Variants in CCNL2 observed in about 807,000 individuals in gnomAD.
The protein encoded by CCNL2 is cyclin-L2.
CCNL2 carries 28 observed loss-of-function variants against 59.1 expected under a neutral mutation model. That is an observed-to-expected ratio of 0.47 (90% CI 0.35 to 0.65). CCNL2 has a LOEUF of 0.65. Among genes scored for constraint, CCNL2 ranks in the 30% least tolerant of loss-of-function variants. The pLI is 0.00. For synonymous variants in CCNL2, 342 were observed against 288.6 expected, an observed-to-expected ratio of 1.19 and a Z score of -1.88; for missense variants, 714 against 717.4, an observed-to-expected ratio of 1.00 and a Z score of 0.05.
chr1:1,392,005 G>C (rs1469542277), intron 5 of CCNL2: 1 of 164,122 alleles, frequency 6.1e-6, no homozygotes, highest in Non-Finnish European at 1.3e-5. Context: ...ATAAACCTTG[G>C]AGAAGGTAAC....
Position 1,395,375 on chromosome 1 carries a change from G to A in CCNL2, c.594+19C>T, listed in dbSNP as rs772888745. Reference sequence around the variant, plus strand: ...GCAGCGGCCTAGGCGGGCTCGCAGGGCAGGAGCCGCACACCCACCTTATGA... The same window carrying A: ...GCAGCGGCCTAGGCGGGCTCGCAGGACAGGAGCCGCACACCCACCTTATGA... On this transcript the variant is annotated intron_variant, in intron 4 of 10. Coordinates refer to ENST00000400809, the MANE Select transcript of CCNL2 (RefSeq NM_030937.6). 2.0e-5 allele frequency: 32 copies of A among 1,613,472 alleles called. No individual in the cohort carries two copies. The highest frequency in any genetic ancestry group is 2.5e-5 in the Non-Finnish European group (29 of 1,179,788).
rs923753209 is a variant in CCNL2 at position 1,392,557 on chromosome 1, C to T, written c.659+839G>A. ...ACAGCAGTTTTAAAGGGACAAAATTCAAGTCAAGACAGTTACCAACTCTAA... is the reference window on the plus strand; with the variant it reads ...ACAGCAGTTTTAAAGGGACAAAATTTAAGTCAAGACAGTTACCAACTCTAA... On this transcript the variant is annotated intron_variant, in intron 5 of 10. Transcript: ENST00000400809. 13 of 1,382,628 alleles carry T rather than the reference C, an allele frequency of 9.4e-6. No individual in the cohort carries two copies. In the South Asian group the frequency reaches 1.4e-4, roughly 15 times the overall value. The allele number at this position is 1,382,628 out of a possible 1,614,324, so 85.6% of individuals were successfully genotyped here.
At chr1:1,394,140 A>AAG (rs1462774089) in intron 4 of CCNL2, among the ~76,000 whole-genome samples, 7 of 152,038 alleles carry the variant, frequency 4.6e-5, no homozygotes, top group East Asian at 3.9e-4. Flanking sequence ...AAAAAAAAAA[A>AAG]GCACTTCAAT....
At chr1:1,392,617 C>T in intron 5 of CCNL2, 1 of 1,452,620 alleles carries the variant, frequency 6.9e-7, no homozygotes, top group East Asian at 2.5e-5. Context: ...AGAGGATTAA[C>T]AAGAAGCACA....
In CCNL2 at chr1:1,398,691, C is replaced by T. The variant is rs1367965442; in HGVS notation, c.289-20G>A. The T allele has an allele frequency of 1.2e-6, 2 of 1,610,134 alleles. No individual in the cohort carries two copies. Among genetic ancestry groups the T allele is most frequent in the Admixed American group, 1.7e-5 (1 of 60,000 alleles). On this transcript the variant is annotated intron_variant, in intron 1 of 10. Transcript: ENST00000400809. ...GGCCACCTAGAGTAGAAGAAAGTTT[C>T]CGTATTTTCAAACGCACCATTCAAA... is the stretch of plus-strand genomic sequence containing the variant.
chr1:1,389,018 TG>T (rs1644618240), intron 8 of CCNL2: 1 of 213,380 alleles, frequency 4.7e-6, no homozygotes, highest in African/African-American at 2.4e-5. Flanking sequence ...GAGGTTACAG[TG>T]AGCTGAGACA....
chr1:1,392,604 G>A, intron 5 of CCNL2: 3 of 1,440,838 alleles, frequency 2.1e-6, no homozygotes, highest in East Asian at 2.5e-5. Flanking sequence ...ACCAAAGCAC[G>A]ACAGAGGATT....
At chr1:1,396,047 C>T (rs1294367029) in intron 3 of CCNL2, among the ~76,000 whole-genome samples, 2 of 151,668 alleles carry the variant, frequency 1.3e-5, no homozygotes, top group Admixed American at 1.3e-4. Flanking sequence ...GGCGTGGTGG[C>T]GGGTGCTTGT....
At chr1:1,398,953 C>T (rs922187860) in intron 1 of CCNL2, 66 bp downstream of exon 1, 5 of 1,492,550 alleles carry the variant, frequency 3.3e-6, no homozygotes, top group Non-Finnish European at 4.4e-6. Context: ...GCCCGACTCG[C>T]CGCCAACAAA....
In CCNL2 at chr1:1,390,858, T is replaced by C. The variant is rs1197800324; in HGVS notation, c.667A>G (p.Met223Val). The part of the protein sequence containing the change: ...QHLVQTSWNY[M>V]NDSLRTDVFV... ...ACGTCGGTGCGAAGGCTGTCGTTCATGTAATTCCTGGAAGCCAAACACAGG... is the reference window on the plus strand; with the variant it reads ...ACGTCGGTGCGAAGGCTGTCGTTCACGTAATTCCTGGAAGCCAAACACAGG... The change falls in exon 6 of 11, where the codon ATG (methionine) becomes GTG (valine). Residue 223 changes from methionine to valine, a missense_variant. Around this residue, in one of 5 missense-constraint regions of CCNL2, gnomAD observed 19 missense variants for 40.8 expected, o/e 0.47. Transcript: ENST00000400809. The C allele has an allele frequency of 1.2e-6, 2 of 1,613,960 alleles. No homozygotes were observed. The highest frequency in any genetic ancestry group is 8.5e-7 in the Non-Finnish European group (1 of 1,179,876).
chr1:1,391,975 C>A, intron 5 of CCNL2: 1 of 180,678 alleles, frequency 5.5e-6, no homozygotes, highest in Non-Finnish European at 1.2e-5. Flanking sequence ...CATGACCTTC[C>A]AGCAATATCT....
Position 1,399,093 on chromosome 1 carries a change from C to T in CCNL2, c.214G>A (p.Asp72Asn). The change falls in exon 1 of 11, where the codon GAC becomes AAC. Residue 72 changes from aspartate (D) to asparagine (N), a missense_variant. This residue lies in a region of CCNL2 where 270 missense variants were observed against 254.9 expected (regional missense o/e 1.06). Transcript: ENST00000400809. ...ACCACGCGGAGGTCGGTCTCTGTGT[C>T]GGTGTCGAGGCCGCTCGACATGGAC... ...TPSMSSGLDT[D>N]TETDLRVVGC... 1 of 1,611,712 alleles carries T rather than the reference C, an allele frequency of 6.2e-7. No homozygotes were observed. The highest frequency in any genetic ancestry group is 8.5e-7 in the Non-Finnish European group (1 of 1,179,400).
intron 8 of CCNL2, chr1:1,388,750 A>C (rs1269368854): frequency 5.5e-6 from 2 of 362,988 alleles, no homozygotes; most frequent in East Asian, 8.3e-5. Context: ...CAGGCTGGGC[A>C]ACAGAGTAAG....
chr1:1,387,453 C>T lies in CCNL2; in HGVS notation c.1341G>A (p.Arg447=), dbSNP rs139107239. 1.1e-5 allele frequency: 18 copies of T among 1,612,958 alleles called. No individual in the cohort carries two copies. Among genetic ancestry groups the T allele is most frequent in the Non-Finnish European group, 1.3e-5 (15 of 1,179,796 alleles). Residue 447 remains arginine (R), a synonymous_variant, in exon 11 of 11, where the codon CGG becomes CGA. Transcript: ENST00000400809. ...GGGGGTACTTGCAGTCCTTGGACTT[C>T]CGGGAGCCCCGAATCTCAGAGCCTT... ...PYKGSEIRGS[R]KSKDCKYPQK... is the part of the protein sequence containing the mutation.
intron 5 of CCNL2, chr1:1,391,419 A>G (rs1407271071): frequency 8.3e-7 from 1 of 1,198,040 alleles, no homozygotes; most frequent in Admixed American, 4.3e-5. Context: ...ACCGAGCTGC[A>G]GCTTCCTTGA....
intron 4 of CCNL2, among the ~76,000 whole-genome samples, chr1:1,394,886 G>A (rs558150185): frequency 4.3e-4 from 65 of 151,622 alleles, no homozygotes; most frequent in South Asian, 2.3e-3. Context: ...GTGAAACCCC[G>A]TCTCTACTAA....
rs1483594037 is a variant in CCNL2, at chr1:1,399,309, T to C, written c.-3A>G. 4.2e-6 allele frequency: 6 copies of C among 1,444,564 alleles called. No homozygotes were observed. Among genetic ancestry groups the C allele is most frequent in the African/African-American group, 1.5e-5 (1 of 66,580 alleles). 89.5% of individuals were successfully genotyped at this position (1,444,564 alleles called of 1,614,324 possible). A position where few individuals can be genotyped will look rare whatever the true frequency, so the allele number is the denominator to read the frequency against. ...GCCGCCGCCGCCGCCGCCGCCATTT[T>C]GTGCCGCCGACTCCCCTTCGGCTTC... On this transcript the variant is annotated 5_prime_UTR_variant, in exon 1 of 11. Coordinates refer to ENST00000400809, the MANE Select transcript of CCNL2 (RefSeq NM_030937.6).
At chr1:1,395,345 C>CG (rs1557728716) in intron 4 of CCNL2, 49 bp downstream of exon 4, 2 of 1,604,316 alleles carry the variant, frequency 1.2e-6, no homozygotes, top group South Asian at 2.2e-5. Context: ...GGCGGCCAGG[C>CG]AGGAGCAGCG....
In CCNL2 at chr1:1,390,278, T is replaced by C. The variant is rs1176955233; in HGVS notation, c.958A>G (p.Thr320Ala). 6.2e-7 allele frequency: 1 copy of C among 1,613,886 alleles called. No individual in the cohort carries two copies. The change falls in exon 8 of 11, where the codon ACA becomes GCA. Residue 320 changes from threonine to alanine, a missense_variant. Coordinates refer to ENST00000400809, the MANE Select transcript of CCNL2 (RefSeq NM_030937.6). ...AQARGLLPGG[T>A]QVLDGTSGFS... ...CCCGAGGTACCATCCAGCACCTGTG[T>C]GCCCCCAGGCAACAGGCCCCGGGCT...
Sources: allele counts gnomAD v4.1 joint callset (sites outside exome capture counted in the v4.1 genomes callset), GRCh38; gene constraint gnomAD v4.1.1; regional missense constraint gnomAD v4.1.1; transcripts MANE v1.5; gene names NCBI Gene and HGNC (gene_info 2026-07-23, HGNC 2026-07-21).